EIF3H: variants seen among roughly 807,000 people sequenced by gnomAD.
The protein encoded by EIF3H is eIF-3-gamma.
EIF3H carries 26 observed loss-of-function variants against 44.2 expected under a neutral mutation model. That is an observed-to-expected ratio of 0.59 (90% CI 0.43 to 0.82). The LOEUF is 0.82. Ranked by LOEUF, EIF3H falls within the 40% of genes least tolerant of loss-of-function variation. The pLI is 0.00. For synonymous variants in EIF3H, 166 were observed against 151.9 expected, an observed-to-expected ratio of 1.09 and a Z score of -0.68; for missense variants, 359 against 432.8, an observed-to-expected ratio of 0.83 and a Z score of 1.51.
chr8:116,754,333 G>A (rs1330091026), intron 1 of EIF3H, among the ~76,000 whole-genome samples: 1 of 152,000 alleles, frequency 6.6e-6, no homozygotes, highest in South Asian at 2.1e-4. Flanking sequence ...GGCTGGTCTC[G>A]AACTCCTGAC....
intron 1 of EIF3H, among the ~76,000 whole-genome samples, chr8:116,734,604 G>A (rs975254907): frequency 1.3e-5 from 2 of 152,198 alleles, no homozygotes; most frequent in South Asian, 2.1e-4. Context: ...CACACAGGCT[G>A]GAGTGCAGTG....
intron 2 of EIF3H, among the ~76,000 whole-genome samples, chr8:116,717,870 G>C (rs922729145): frequency 6.6e-6 from 1 of 152,116 alleles, no homozygotes; most frequent in Middle Eastern, 3.4e-3. Context: ...AAAAGAAAAT[G>C]CAACAAAACC....
chr8:116,741,994 C>A (rs1426576590), intron 1 of EIF3H, among the ~76,000 whole-genome samples: 2 of 152,000 alleles, frequency 1.3e-5, no homozygotes, highest in Non-Finnish European at 2.9e-5. Flanking sequence ...GGATAGGGTT[C>A]CATTTCATAA....
intron 1 of EIF3H, among the ~76,000 whole-genome samples, chr8:116,750,134 G>A (rs1815303279): frequency 1.3e-5 from 2 of 152,294 alleles, no homozygotes; most frequent in Admixed American, 6.5e-5. Context: ...ACCCCAGCAT[G>A]TAGCAGGGCT....
intron 2 of EIF3H, among the ~76,000 whole-genome samples, chr8:116,703,684 T>C (rs1814419061): frequency 6.6e-6 from 1 of 152,178 alleles, no homozygotes; most frequent in South Asian, 2.1e-4. Flanking sequence ...TTGTGTGACC[T>C]TACCTATCAT....
intron 7 of EIF3H, 129 bp from the exon 8 acceptor site, chr8:116,645,232 T>C: frequency 1.5e-6 from 1 of 689,344 alleles, no homozygotes; most frequent in South Asian, 1.9e-5. Flanking sequence ...CAGAGTTTAT[T>C]TTTCCATAAG....
At chr8:116,743,773 T>TAC (rs1563659808) in intron 1 of EIF3H, among the ~76,000 whole-genome samples, 17 of 86,228 alleles carry the variant, frequency 2.0e-4, no homozygotes, top group African/African-American at 1.0e-3. Flanking sequence ...TACATACATA[T>TAC]ATATATATAT....
upstream of EIF3H, chr8:116,755,954 T>C: frequency 1.3e-6 from 2 of 1,536,600 alleles, no homozygotes; most frequent in Non-Finnish European, 1.7e-6. Context: ...AGTTTTACCT[T>C]CTTTCCAGGC....
At chr8:116,671,624 C>T (rs1337702425) in intron 2 of EIF3H, among the ~76,000 whole-genome samples, 1 of 152,156 alleles carries the variant, frequency 6.6e-6, no homozygotes, top group Admixed American at 6.5e-5. Context: ...CAGCATAGGG[C>T]AGTAAAGACA....
chr8:116,725,812 T>C (rs1045735664), intron 2 of EIF3H, among the ~76,000 whole-genome samples: 10 of 152,032 alleles, frequency 6.6e-5, no homozygotes, highest in African/African-American at 2.4e-4. Context: ...AAATTCCAAA[T>C]AAGTAAAGGC....
chr8:116,709,067 T>C (rs1464506434), intron 2 of EIF3H, among the ~76,000 whole-genome samples: 2 of 152,016 alleles, frequency 1.3e-5, no homozygotes, highest in East Asian at 3.9e-4. Flanking sequence ...CAAGAAACCT[T>C]AGCAATTTAA....
chr8:116,729,058 A>C (rs1306082697), intron 1 of EIF3H, among the ~76,000 whole-genome samples: 1 of 152,258 alleles, frequency 6.6e-6, no homozygotes, highest in African/African-American at 2.4e-5. Flanking sequence ...GGGATAAACT[A>C]AACTGATAAA....
chr8:116,671,406 TAAC>T (rs1382903786), intron 2 of EIF3H, among the ~76,000 whole-genome samples: 1 of 152,194 alleles, frequency 6.6e-6, no homozygotes, highest in East Asian at 1.9e-4. Flanking sequence ...AATATCATCT[TAAC>T]AACAACAAAA....
chr8:116,708,633 T>C (rs1161042795), intron 2 of EIF3H, among the ~76,000 whole-genome samples: 1 of 152,112 alleles, frequency 6.6e-6, no homozygotes, highest in Non-Finnish European at 1.5e-5. Flanking sequence ...ATGGGTAAAG[T>C]AGTTAAAAAT....
chr8:116,659,016 C>G, intron 2 of EIF3H, 36 bp from the exon 3 acceptor site: 1 of 1,552,710 alleles, frequency 6.4e-7, no homozygotes, highest in South Asian at 1.2e-5. Flanking sequence ...AAAGAAAAAA[C>G]TTTTTAATGA....
chr8:116,756,363 G>A (rs1390966549), upstream of EIF3H, among the ~76,000 whole-genome samples: 1 of 152,192 alleles, frequency 6.6e-6, no homozygotes, highest in Non-Finnish European at 1.5e-5. Context: ...TTAGCTTCAT[G>A]TAGAGATTTA....
At chr8:116,720,550 T>A (rs116886311) in intron 2 of EIF3H, among the ~76,000 whole-genome samples, 7,428 of 152,270 alleles carry the variant, frequency 0.049, 317 homozygotes, top group Admixed American at 0.15. Context: ...TACCAAGAGT[T>A]GGGTGCTGCT....
At chr8:116,655,474 C>A (rs755764683) in intron 5 of EIF3H, among the ~76,000 whole-genome samples, 36 of 151,968 alleles carry the variant, frequency 2.4e-4, no homozygotes, top group Non-Finnish European at 1.9e-4. Flanking sequence ...TGTTCTTTTC[C>A]TGAGCATTAT....
chr8:116,742,013 G>T (rs1050566500), intron 1 of EIF3H, among the ~76,000 whole-genome samples: 8 of 151,728 alleles, frequency 5.3e-5, no homozygotes, highest in South Asian at 4.2e-4. Context: ...AACTGGCTGA[G>T]TCAAATAATA....
Sources: gnomAD v4.1 joint callset for allele counts (sites outside exome capture counted in the v4.1 genomes callset) on GRCh38, gnomAD v4.1.1 for gene constraint, MANE v1.5 for transcripts, NCBI Gene and HGNC (gene_info 2026-07-23, HGNC 2026-07-21) for gene names.